Variants in KCNQ1 observed in about 807,000 individuals in gnomAD.
The protein encoded by KCNQ1 is potassium voltage-gated channel subfamily Q member 1, also known as potassium voltage-gated channel subfamily KQT member 1.
KCNQ1 carries 49 observed loss-of-function variants against 72.4 expected under a neutral mutation model. That is an observed-to-expected ratio of 0.68 (90% confidence interval 0.54 to 0.86). The LOEUF (loss-of-function observed/expected upper bound fraction) is 0.86. Ranked by LOEUF, KCNQ1 falls within the 40% of genes least tolerant of loss-of-function variation. The probability of loss-of-function intolerance (pLI) is 0.00; values close to 1 mark genes in which losing one functional copy is unlikely to be tolerated. For missense variants in KCNQ1, 790 were observed against 945.1 expected, an observed-to-expected ratio of 0.84 and a Z score of 2.15; for synonymous variants, 450 against 412.6, an observed-to-expected ratio of 1.09 and a Z score of -1.10.
At chr11:2,605,961 T>C (rs538871181) in intron 10 of KCNQ1, among the ~76,000 whole-genome samples, 14 of 152,176 alleles carry the variant, frequency 9.2e-5, no homozygotes, top group Non-Finnish European at 1.6e-4. Context: ...TCAACAATGT[T>C]TTGTAATTTT....
chr11:2,490,561 C>T (rs541317568), intron 1 of KCNQ1, among the ~76,000 whole-genome samples: 1 of 152,350 alleles, frequency 6.6e-6, no homozygotes, highest in African/African-American at 2.4e-5. Context: ...CCCCAAGCTT[C>T]AGGTGGCTTA....
At position 2,683,900 on chromosome 11, in the gene KCNQ1, C is replaced by T; in HGVS notation, c.1514+21819C>T. The T allele has an allele frequency of 2.5e-6, 1 of 398,534 alleles. No individual in the cohort carries two copies. The highest frequency in any genetic ancestry group is 4.4e-5 in the Admixed American group (1 of 22,722). 24.7% of individuals were successfully genotyped at this position (398,534 alleles called of 1,614,324 possible). A position where few individuals can be genotyped will look rare whatever the true frequency, so the allele number is the denominator to read the frequency against. Reference sequence around the variant, plus strand: ...TCCAAATCATAAATGCAAAAGATGGCCAAAGGTGCATGCTCTGTGACACGT... The same window carrying T: ...TCCAAATCATAAATGCAAAAGATGGTCAAAGGTGCATGCTCTGTGACACGT... On this transcript the variant is annotated intron_variant, in intron 11 of 15. Coordinates refer to ENST00000155840, the MANE Select transcript of KCNQ1 (RefSeq NM_000218.3). This position sits in a 1 kb window ranked among gnomAD's most constrained non-coding sequence, Gnocchi z 4.7.
At chr11:2,459,243 C>A (rs7948693) in intron 1 of KCNQ1, among the ~76,000 whole-genome samples, 1 of 152,014 alleles carries the variant, frequency 6.6e-6, no homozygotes, top group Admixed American at 6.5e-5. Flanking sequence ...CCGTGGCGCC[C>A]GGTGGTGTGA....
intron 2 of KCNQ1, among the ~76,000 whole-genome samples, chr11:2,531,478 C>G (rs1436119462): frequency 2.0e-5 from 3 of 152,154 alleles, no homozygotes; most frequent in Non-Finnish European, 4.4e-5. Context: ...CAGTGCTGAG[C>G]TGTGCCCCCA....
rs2133853023 is a variant in KCNQ1, at chr11:2,659,577, G to T, written c.1394-2384G>T. 2.5e-6 allele frequency: 1 copy of T among 398,474 alleles called. No homozygotes were observed. The highest frequency in any genetic ancestry group is 2.1e-5 in the African/African-American group (1 of 48,726). 24.7% of individuals were successfully genotyped at this position (398,474 alleles called of 1,614,324 possible). A position where few individuals can be genotyped will look rare whatever the true frequency, so the allele number is the denominator to read the frequency against. Reference sequence around the variant, plus strand: ...GAGTTACTATACACATTTATGTACAGGTTTTTGCGAACATAAAAATTCAAT... The same window carrying T: ...GAGTTACTATACACATTTATGTACATGTTTTTGCGAACATAAAAATTCAAT... On this transcript the variant is annotated intron_variant, in intron 10 of 15. Coordinates refer to ENST00000155840, the MANE Select transcript of KCNQ1 (RefSeq NM_000218.3). The surrounding 1 kb of genome is among the most constrained non-coding windows in gnomAD (Gnocchi z 4.3).
At chr11:2,461,626 T>C (rs757166155) in intron 1 of KCNQ1, 3 of 1,365,070 alleles carry the variant, frequency 2.2e-6, no homozygotes, top group South Asian at 2.3e-5. Context: ...ACTCCAGGTT[T>C]CTGGCTCTCG....
In KCNQ1 at chr11:2,670,808, T is replaced by C; in HGVS notation, c.1514+8727T>C. On this transcript the variant is annotated intron_variant, in intron 11 of 15. Transcript: ENST00000155840. This position sits in a 1 kb window ranked among gnomAD's most constrained non-coding sequence, Gnocchi z 4.9. The stretch of plus-strand genomic sequence containing the variant: ...AAGAATTCTTCAAGTTCAGCCTCTA[T>C]GTGCATCATAAACCTGGTGCCACCA... 2.5e-6 allele frequency: 1 copy of C among 398,610 alleles called. No individual in the cohort carries two copies. Among genetic ancestry groups the C allele is most frequent in the Non-Finnish European group, 4.4e-6 (1 of 226,070 alleles). The allele number at this position is 398,610 out of a possible 1,614,324, so 24.7% of individuals were successfully genotyped here.
At chr11:2,605,355 A>G (rs953375842) in intron 10 of KCNQ1, among the ~76,000 whole-genome samples, 9 of 152,296 alleles carry the variant, frequency 5.9e-5, no homozygotes, top group African/African-American at 2.2e-4. Flanking sequence ...ATATCTAAGA[A>G]ACCTCTGCCA....
In KCNQ1 at chr11:2,715,034, G is replaced by T. The variant is rs563985586; in HGVS notation, c.1514+52953G>T. ...CCAGGGTGCAGCTGGGCAGATTGCCGGTGGTTGGTGCTGGTGAGGAGTAGC... is the reference window on the plus strand; with the variant it reads ...CCAGGGTGCAGCTGGGCAGATTGCCTGTGGTTGGTGCTGGTGAGGAGTAGC... On this transcript the variant is annotated intron_variant, in intron 11 of 15. Transcript: ENST00000155840. The surrounding 1 kb of genome is among the most constrained non-coding windows in gnomAD (Gnocchi z 4.9). 1.4e-4 allele frequency among the ~76,000 whole-genome samples: 21 copies of T among 152,136 alleles called. No individual in the cohort carries two copies. Among genetic ancestry groups the T allele is most frequent in the Non-Finnish European group, 2.9e-4 (20 of 68,008 alleles).
intron 15 of KCNQ1, among the ~76,000 whole-genome samples, chr11:2,825,687 CAATT>C (rs1331505093): frequency 4.6e-5 from 7 of 152,374 alleles, no homozygotes; most frequent in South Asian, 4.1e-4. Context: ...AATAAACAGA[CAATT>C]AATTATCCTT....
At chr11:2,693,556 C>T (rs1403088728) in intron 11 of KCNQ1, 11 of 398,668 alleles carry the variant, frequency 2.8e-5, no homozygotes, top group Non-Finnish European at 4.4e-5. Context: ...GAGCCCAAGG[C>T]TTTTCGGAGG....
intron 10 of KCNQ1, among the ~76,000 whole-genome samples, chr11:2,594,289 G>C (rs961550187): frequency 6.6e-6 from 1 of 152,148 alleles, no homozygotes; most frequent in African/African-American, 2.4e-5. Context: ...TGGGTCATCA[G>C]GCTAATTGAT....
chr11:2,674,220 C>T lies in KCNQ1; in HGVS notation c.1514+12139C>T, dbSNP rs1850244975. On this transcript the variant is annotated intron_variant, in intron 11 of 15. Transcript: ENST00000155840. This position sits in a 1 kb window ranked among gnomAD's most constrained non-coding sequence, Gnocchi z 5.9. ...AGCCAGTTGTGGGTTTTTCTTGGGG[C>T]CCAGATAGATGTGAGCAGAGCTGGA... 2.5e-6 allele frequency: 1 copy of T among 398,492 alleles called. No homozygotes were observed. Among genetic ancestry groups the T allele is most frequent in the Non-Finnish European group, 4.4e-6 (1 of 226,152 alleles). The allele number at this position is 398,492 out of a possible 1,614,324, so 24.7% of individuals were successfully genotyped here.
At chr11:2,460,964 G>T (rs1265711927) in intron 1 of KCNQ1, among the ~76,000 whole-genome samples, 2 of 152,168 alleles carry the variant, frequency 1.3e-5, no homozygotes, top group Non-Finnish European at 2.9e-5. Flanking sequence ...CCCCTGTCCT[G>T]GGTGGTACTG....
At chr11:2,503,256 T>C (rs1190048000) in intron 1 of KCNQ1, among the ~76,000 whole-genome samples, 2 of 152,034 alleles carry the variant, frequency 1.3e-5, no homozygotes, top group East Asian at 1.9e-4. Context: ...GGAGAAAATA[T>C]TTGCAAAGTG....
rs1211645377 is a variant in KCNQ1, at chr11:2,585,082, G to C, written c.1033-130G>C. ...GACAGGCAGGCTGGGCCCGAGGTGG[G>C]ACTTGGGGGGGCTTCCAGCACTGAC... On this transcript the variant is annotated intron_variant, in intron 7 of 15. Coordinates refer to ENST00000155840, the MANE Select transcript of KCNQ1 (RefSeq NM_000218.3). 3 of 816,628 alleles carry C rather than the reference G, an allele frequency of 3.7e-6. No homozygotes were observed. In the African/African-American group the frequency reaches 5.0e-5, roughly 14 times the overall value. 50.6% of individuals were successfully genotyped at this position (816,628 alleles called of 1,614,324 possible).
chr11:2,577,314 A>T (rs542542770), intron 6 of KCNQ1, among the ~76,000 whole-genome samples: 1 of 152,266 alleles, frequency 6.6e-6, no homozygotes, highest in African/African-American at 2.4e-5. Context: ...CATGGGAAGC[A>T]CCGCCGGAGT....
At chr11:2,731,602 G>A (rs771329331) in intron 11 of KCNQ1, among the ~76,000 whole-genome samples, 7 of 152,230 alleles carry the variant, frequency 4.6e-5, no homozygotes, top group Admixed American at 2.6e-4. Flanking sequence ...CAAGCCCTCC[G>A]GAACAGACCC....
intron 10 of KCNQ1, among the ~76,000 whole-genome samples, chr11:2,594,932 T>C (rs1848714928): frequency 6.6e-6 from 1 of 152,232 alleles, no homozygotes; most frequent in African/African-American, 2.4e-5. Flanking sequence ...GTTTGCAATT[T>C]AGATCATGAG....
Sources: allele counts gnomAD v4.1 joint callset (sites outside exome capture counted in the v4.1 genomes callset), GRCh38; gene constraint gnomAD v4.1.1; non-coding constraint Gnocchi (gnomAD v3.1); transcripts MANE v1.5; gene names NCBI Gene and HGNC (gene_info 2026-07-23, HGNC 2026-07-21).